The following ZFPM2 variants were observed in gnomAD, a reference collection of about 807,000 sequenced individuals.
ZFPM2 encodes the protein zinc finger protein ZFPM2.
A neutral mutation model predicts 98.6 loss-of-function variants in ZFPM2; 20 were observed. The observed-to-expected ratio is 0.20, with a 90% confidence interval of 0.14 to 0.29. The LOEUF (loss-of-function observed/expected upper bound fraction) is 0.29, where lower values mean the gene tolerates loss of function less well. ZFPM2 is among the 10% of genes least tolerant of loss of function. ZFPM2 has a pLI of 1.00. For synonymous variants in ZFPM2, 518 were observed against 502.7 expected, an observed-to-expected ratio of 1.03 and a Z score of -0.41; for missense variants, 1,310 against 1,388.6, an observed-to-expected ratio of 0.94 and a Z score of 0.90.
intron 2 of ZFPM2, among the ~76,000 whole-genome samples, chr8:105,431,332 GC>G (rs1343873049): frequency 2.0e-5 from 3 of 152,138 alleles, no homozygotes; most frequent in Non-Finnish European, 4.4e-5. Flanking sequence ...AAAATGCATA[GC>G]TTTTATTTGC....
rs940017403 is a variant in ZFPM2, at chr8:105,524,577, C to T, written c.302-36786C>T. On this transcript the variant is annotated intron_variant, in intron 3 of 7. Coordinates refer to ENST00000407775, the MANE Select transcript of ZFPM2 (RefSeq NM_012082.4). ...CAGGCCAATACTTTGAGCAAGGTAC[C>T]CTTTCTTTACTCTGTGGGCAAAGTC... Among the ~76,000 whole-genome samples, 23 of 151,880 alleles carry T rather than the reference C, an allele frequency of 1.5e-4. 1 individual carries two copies. Among genetic ancestry groups the T allele is most frequent in the Admixed American group, 1.2e-3 (18 of 15,228 alleles).
rs562331323 is a variant in ZFPM2, at chr8:105,544,190, G to T, written c.302-17173G>T. On this transcript the variant is annotated intron_variant, in intron 3 of 7. Coordinates refer to ENST00000407775, the MANE Select transcript of ZFPM2 (RefSeq NM_012082.4). ...TAATAATAGGATCACAAAAGCCTTA[G>T]TAGAATGAACAATTTAGAGAATGGT... Among the ~76,000 whole-genome samples, 135 of 152,228 alleles carry T rather than the reference G, an allele frequency of 8.9e-4. 2 individuals are homozygous for T. The highest frequency in any genetic ancestry group is 3.2e-3 in the African/African-American group (134 of 41,538).
chr8:105,784,102 A>C (rs1813341410), intron 5 of ZFPM2, among the ~76,000 whole-genome samples: 1 of 152,136 alleles, frequency 6.6e-6, no homozygotes, highest in Admixed American at 6.6e-5. Flanking sequence ...ATTAAACATA[A>C]GGTCAAAGGG....
At chr8:105,402,455 C>T (rs1306899805) in intron 1 of ZFPM2, among the ~76,000 whole-genome samples, 2 of 151,788 alleles carry the variant, frequency 1.3e-5, no homozygotes, top group African/African-American at 4.8e-5. Flanking sequence ...AAATATTGCC[C>T]AATTGGTTTA....
At chr8:105,409,097 C>T (rs775614787) in intron 1 of ZFPM2, among the ~76,000 whole-genome samples, 2 of 151,758 alleles carry the variant, frequency 1.3e-5, no homozygotes, top group South Asian at 2.1e-4. Flanking sequence ...AATTGATTAG[C>T]GAGCTTTGCC....
At chr8:105,634,406 G>A (rs1179309708) in intron 5 of ZFPM2, 49 bp downstream of exon 5, 8 of 1,439,526 alleles carry the variant, frequency 5.6e-6, no homozygotes, top group Non-Finnish European at 6.7e-6. Flanking sequence ...TAAAACCTGA[G>A]CATTGCAAAA....
chr8:105,774,720 G>C (rs921737322), intron 5 of ZFPM2, among the ~76,000 whole-genome samples: 1 of 152,060 alleles, frequency 6.6e-6, no homozygotes, highest in African/African-American at 2.4e-5. Flanking sequence ...GTTCAGAGAT[G>C]GTTTCCAGAA....
At chr8:105,612,383 A>G (rs879400208) in intron 4 of ZFPM2, among the ~76,000 whole-genome samples, 1 of 152,162 alleles carries the variant, frequency 6.6e-6, no homozygotes, top group Non-Finnish European at 1.5e-5. Flanking sequence ...AATTGAAAAA[A>G]AAAATGCCCA....
chr8:105,735,817 CTG>C (rs1812055000), intron 5 of ZFPM2, among the ~76,000 whole-genome samples: 1 of 151,910 alleles, frequency 6.6e-6, no homozygotes, highest in African/African-American at 2.4e-5. Context: ...TGATTCCAAA[CTG>C]TATTTTCTCA....
intron 5 of ZFPM2, among the ~76,000 whole-genome samples, chr8:105,682,477 A>T (rs982738240): frequency 2.0e-5 from 3 of 152,192 alleles, no homozygotes; most frequent in Non-Finnish European, 4.4e-5. Flanking sequence ...AATCAGTGCT[A>T]TGATGGAAGA....
In ZFPM2 at chr8:105,803,557, A is replaced by G. The variant is rs1814113701; in HGVS notation, c.*19A>G. 6.3e-7 allele frequency: 1 copy of G among 1,587,328 alleles called. No individual in the cohort carries two copies. The highest frequency in any genetic ancestry group is 1.3e-5 in the African/African-American group (1 of 74,504). ...CAAATGAACTAACTAAACATCAGTCACCTTTGGTATCAGTGTTTAGTATGT... is the reference window on the plus strand; with the variant it reads ...CAAATGAACTAACTAAACATCAGTCGCCTTTGGTATCAGTGTTTAGTATGT... On this transcript the variant is annotated 3_prime_UTR_variant, in exon 8 of 8. Coordinates refer to ENST00000407775, the MANE Select transcript of ZFPM2 (RefSeq NM_012082.4).
chr8:105,753,963 A>G (rs1021815028), intron 5 of ZFPM2, among the ~76,000 whole-genome samples: 2 of 152,262 alleles, frequency 1.3e-5, no homozygotes, highest in East Asian at 1.9e-4. Context: ...AAAAACAGTT[A>G]TGTTTAGATT....
chr8:105,795,608 T>TA (rs200499086), intron 6 of ZFPM2: 1,965 of 170,860 alleles, frequency 0.012, 3 homozygotes, highest in South Asian at 0.023. Flanking sequence ...GCAAAAAGGT[T>TA]AAAAAAAAAA....
intron 1 of ZFPM2, among the ~76,000 whole-genome samples, chr8:105,380,200 T>C (rs1166727156): frequency 2.0e-5 from 3 of 152,142 alleles, no homozygotes; most frequent in Non-Finnish European, 4.4e-5. Context: ...GTTGAAATAC[T>C]TATAGAAATA....
chr8:105,345,576 G>A (rs1812508666), intron 1 of ZFPM2, among the ~76,000 whole-genome samples: 1 of 151,806 alleles, frequency 6.6e-6, no homozygotes, highest in Admixed American at 6.6e-5. Flanking sequence ...AGCTCTTTCA[G>A]GTACTTGGCT....
intron 1 of ZFPM2, among the ~76,000 whole-genome samples, chr8:105,342,921 A>G (rs1477375946): frequency 2.6e-5 from 4 of 151,926 alleles, no homozygotes; most frequent in African/African-American, 7.2e-5. Flanking sequence ...CATAAAACCA[A>G]AAAAAATAAT....
At chr8:105,436,669 TGGAGTC>T (rs1449333989) in intron 2 of ZFPM2, among the ~76,000 whole-genome samples, 1 of 152,212 alleles carries the variant, frequency 6.6e-6, no homozygotes, top group Non-Finnish European at 1.5e-5. Context: ...GCATGGTCTT[TGGAGTC>T]GGACTAACTT....
intron 3 of ZFPM2, among the ~76,000 whole-genome samples, chr8:105,497,837 T>C (rs1203144775): frequency 6.6e-6 from 1 of 152,102 alleles, no homozygotes; most frequent in Non-Finnish European, 1.5e-5. Context: ...CATATTGGAA[T>C]ACTGCGAGAG....
At chr8:105,336,603 A>G (rs2129643857) in intron 1 of ZFPM2, among the ~76,000 whole-genome samples, 1 of 151,676 alleles carries the variant, frequency 6.6e-6, no homozygotes, top group South Asian at 2.1e-4. Context: ...AAAGGAATAA[A>G]TACTTTATTC....
Sources: gnomAD v4.1 joint callset for allele counts (sites outside exome capture counted in the v4.1 genomes callset) on GRCh38, gnomAD v4.1.1 for gene constraint, MANE v1.5 for transcripts, NCBI Gene and HGNC (gene_info 2026-07-23, HGNC 2026-07-21) for gene names.